The following RPUSD2 variants were observed in gnomAD, a reference collection of about 807,000 sequenced individuals.
The protein encoded by RPUSD2 is RNA pseudouridine synthase domain containing 2.
A neutral mutation model predicts 41.5 loss-of-function variants in RPUSD2; 31 were observed. The observed-to-expected ratio is 0.75, with a 90% CI of 0.56 to 1.01. RPUSD2 has a LOEUF of 1.01. Among genes scored for constraint, RPUSD2 ranks in the 50% least tolerant of loss-of-function variants. The probability of loss-of-function intolerance (pLI) is 0.00; values close to 1 mark genes in which losing one functional copy is unlikely to be tolerated. For missense variants in RPUSD2, 749 were observed against 724.7 expected (o/e 1.03, Z -0.38); for synonymous variants, 305 against 289.7 (o/e 1.05, Z -0.54).
In RPUSD2 at chr15:40,574,045, G is replaced by A. The variant is rs754887770; in HGVS notation, c.1422G>A (p.Glu474=). 129 of 1,614,038 alleles carry A rather than the reference G, an allele frequency of 8.0e-5. No individual in the cohort carries two copies. Among genetic ancestry groups the A allele is most frequent in the Non-Finnish European group, 1.1e-4 (127 of 1,180,026 alleles). The part of the protein sequence containing the change: ...MEEVAEAAPQ[E]LDTIALASEK... ...AAGTAGCTGAGGCAGCCCCTCAGGA[G>A]TTGGACACAATAGCCTTGGCATCAG... The change falls in exon 3 of 3, where the codon GAG becomes GAA. Residue 474 remains glutamate (E), a synonymous_variant. Coordinates refer to ENST00000315616, the MANE Select transcript of RPUSD2 (RefSeq NM_152260.3).
intron 2 of RPUSD2, among the ~76,000 whole-genome samples, chr15:40,573,110 C>T (rs1891177514): frequency 6.6e-6 from 1 of 150,932 alleles, no homozygotes; most frequent in African/African-American, 2.4e-5. Context: ...CTGCAACCTC[C>T]GCCTCCTGGG....
Position 40,569,806 on chromosome 15 carries a change from T to C in RPUSD2, c.469T>C (p.Trp157Arg), listed in dbSNP as rs1891097979. 1.2e-6 allele frequency: 2 copies of C among 1,613,336 alleles called. No homozygotes were observed. Among genetic ancestry groups the C allele is most frequent in the Admixed American group, 1.7e-5 (1 of 59,912 alleles). ...FDFRTYCKGR[W>R]VGHSLLHVFS... ...CTTCCGGACCTACTGCAAAGGTCGC[T>C]GGGTGGGCCACAGCTTGCTGCACGT... Residue 157 changes from tryptophan (W) to arginine (R), a missense_variant, in exon 1 of 3, where the codon TGG becomes CGG. Physicochemically the swap from Trp to Arg is moderately radical, Grantham distance 101. Transcript: ENST00000315616.
chr15:40,572,672 C>T (rs1891168887), intron 2 of RPUSD2, among the ~76,000 whole-genome samples: 1 of 152,090 alleles, frequency 6.6e-6, no homozygotes, highest in African/African-American at 2.4e-5. Context: ...GTTGAGGCTG[C>T]AGTGAGCCAT....
At position 40,573,972 on chromosome 15, in the gene RPUSD2, G is replaced by A; in HGVS notation, c.1349G>A (p.Gly450Asp). 6.2e-7 allele frequency: 1 copy of A among 1,614,128 alleles called. No homozygotes were observed. Among genetic ancestry groups the A allele is most frequent in the Non-Finnish European group, 8.5e-7 (1 of 1,180,018 alleles). ...TDSTAPSSEL[G>D]KDDLEELAAA... ...TCTACGGCCCCCTCCTCAGAGTTGG[G>A]CAAGGACGACCTGGAAGAGTTGGCT... is the stretch of plus-strand genomic sequence containing the variant. Residue 450 changes from glycine to aspartate, a missense_variant, in exon 3 of 3, where the codon GGC (glycine) becomes GAC (aspartate). Physicochemically the swap from Gly to Asp is moderately conservative, Grantham distance 94. Transcript: ENST00000315616.
rs142234414 is a variant in RPUSD2, at chr15:40,569,849, G to A, written c.512G>A (p.Arg171Gln). 9.7e-5 allele frequency: 157 copies of A among 1,611,744 alleles called. No individual in the cohort carries two copies. Among genetic ancestry groups the A allele is most frequent in the Non-Finnish European group, 1.3e-4 (149 of 1,179,322 alleles). The part of the protein sequence containing the change: ...SLLHVFSTEF[R>Q]AQPLAYYEAA... ...CTGCACGTCTTCAGTACCGAGTTCC[G>A]AGCTCAGCCCCTGGCCTACTATGAG... Residue 171 changes from arginine to glutamine, a missense_variant, in exon 1 of 3, where the codon CGA becomes CAA. By Grantham distance (43) the Arg-to-Gln change is conservative. Coordinates refer to ENST00000315616, the MANE Select transcript of RPUSD2 (RefSeq NM_152260.3).
chr15:40,571,718 A>C lies in RPUSD2; in HGVS notation c.721A>C (p.Ile241Leu). Residue 241 changes from isoleucine to leucine, a missense_variant, in exon 2 of 3, where the codon ATT becomes CTT. Ile to Leu is a conservative substitution (Grantham distance 5). Transcript: ENST00000315616. ...DVVVVDKPSS[I>L]PVHPCGRFRH... ...GGTGGTTGTAGACAAGCCTTCCTCCATTCCCGTTCACCCCTGTGGCCGCTT... is the reference window on the plus strand; with the variant it reads ...GGTGGTTGTAGACAAGCCTTCCTCCCTTCCCGTTCACCCCTGTGGCCGCTT... 6.2e-7 allele frequency: 1 copy of C among 1,614,208 alleles called. No homozygotes were observed. Among genetic ancestry groups the C allele is most frequent in the Non-Finnish European group, 8.5e-7 (1 of 1,180,038 alleles).
chr15:40,569,421 G>A lies in RPUSD2; in HGVS notation c.84G>A (p.Trp28Ter), dbSNP rs768050064. The change falls in exon 1 of 3, where the codon TGG (tryptophan) becomes TGA (stop). Residue 28 changes from tryptophan to a stop codon, truncating the protein, a stop_gained. Transcript: ENST00000315616. LOFTEE classifies it high-confidence loss of function. ...GGCGCCCTAGCTTTACCAGGACTTGGAGTGGCGATAAGGGCCCAATGGCAG... is the reference window on the plus strand; with the variant it reads ...GGCGCCCTAGCTTTACCAGGACTTGAAGTGGCGATAAGGGCCCAATGGCAG... ...DLRRPSFTRT[W>*]SGDKGPMAET... 6.4e-6 allele frequency: 10 copies of A among 1,554,658 alleles called. No individual in the cohort carries two copies. Among genetic ancestry groups the A allele is most frequent in the Admixed American group, 6.3e-5 (3 of 47,434 alleles).
At position 40,573,831 on chromosome 15, in the gene RPUSD2, A is replaced by C; in HGVS notation, c.1208A>C (p.Tyr403Ser). The C allele has an allele frequency of 6.2e-7, 1 of 1,614,194 alleles. No individual in the cohort carries two copies. The highest frequency in any genetic ancestry group is 8.5e-7 in the Non-Finnish European group (1 of 1,180,028). Residue 403 changes from tyrosine to serine, a missense_variant, in exon 3 of 3, where the codon TAC (tyrosine) becomes TCC (serine). Physicochemically the swap from Tyr to Ser is moderately radical, Grantham distance 144. Coordinates refer to ENST00000315616, the MANE Select transcript of RPUSD2 (RefSeq NM_152260.3). The part of the protein sequence containing the change: ...AWGPSRGRGG[Y>S]IPKTNEELLR... Reference sequence around the variant, plus strand: ...GGTCCTTCTCGAGGCCGGGGCGGCTACATTCCCAAGACAAACGAGGAGTTG... The same window carrying C: ...GGTCCTTCTCGAGGCCGGGGCGGCTCCATTCCCAAGACAAACGAGGAGTTG...
At chr15:40,572,026 C>G (rs1891153618) in intron 2 of RPUSD2, 126 bp downstream of exon 2, 2 of 1,010,212 alleles carry the variant, frequency 2.0e-6, no homozygotes, top group Non-Finnish European at 2.9e-6. Context: ...ACCTTCCTAC[C>G]TTAAGGCAGG....
At chr15:40,571,972 G>C in intron 2 of RPUSD2, 72 bp downstream of exon 2, 1 of 1,494,778 alleles carries the variant, frequency 6.7e-7, no homozygotes, top group Non-Finnish European at 9.1e-7. Context: ...AGGGCATCAT[G>C]GAGTTCCGAA....
rs1436904442 is a variant in RPUSD2 at position 40,569,662 on chromosome 15, C to CGT, written c.328_329dup (p.Val111SerfsTer12). 9.7e-6 allele frequency: 15 copies of CGT among 1,545,742 alleles called. No individual in the cohort carries two copies. Among genetic ancestry groups the CGT allele is most frequent in the Non-Finnish European group, 1.1e-5 (13 of 1,143,258 alleles). Reference sequence around the variant, plus strand: ...GAAGCGGCGGGGCGCAACCAGGGAGCGTGTCGTGCCGCCCCCGAAGAAGCG... The same window carrying CGT: ...GAAGCGGCGGGGCGCAACCAGGGAGCGTGTGTCGTGCCGCCCCCGAAGAAGCG... On this transcript the variant is annotated frameshift_variant, in exon 1 of 3. Coordinates refer to ENST00000315616, the MANE Select transcript of RPUSD2 (RefSeq NM_152260.3). LOFTEE classifies it high-confidence loss of function.
chr15:40,571,621 G>GA lies in RPUSD2; in HGVS notation c.626dup (p.Asn209LysfsTer7). On this transcript the variant is annotated frameshift_variant, in exon 2 of 3. Coordinates refer to ENST00000315616, the MANE Select transcript of RPUSD2 (RefSeq NM_152260.3). LOFTEE classifies it high-confidence loss of function. ...TTTGACAGGACAATGATTTCTTGCGGAACACAGTGCACAGGCATGAGCCAC... is the reference window on the plus strand; with the variant it reads ...TTTGACAGGACAATGATTTCTTGCGGAAACACAGTGCACAGGCATGAGCCAC... The GA allele has an allele frequency of 6.2e-7, 1 of 1,614,130 alleles. No individual in the cohort carries two copies. Among genetic ancestry groups the GA allele is most frequent in the Non-Finnish European group, 8.5e-7 (1 of 1,179,970 alleles).
In RPUSD2 at chr15:40,569,592, C is replaced by A; in HGVS notation, c.255C>A (p.Gly85=). The change falls in exon 1 of 3, where the codon GGC becomes GGA. Residue 85 remains glycine (G), a synonymous_variant. Transcript: ENST00000315616. ...AGREVEPAPV[G]GEHPSAAAPG... is the part of the protein sequence containing the mutation. ...GGGAAGTGGAGCCGGCCCCAGTAGG[C>A]GGGGAGCATCCCTCGGCTGCAGCCC... is the stretch of plus-strand genomic sequence containing the variant. 1 of 1,534,972 alleles carries A rather than the reference C, an allele frequency of 6.5e-7. No individual in the cohort carries two copies. The highest frequency in any genetic ancestry group is 8.8e-7 in the Non-Finnish European group (1 of 1,140,848).
intron 1 of RPUSD2, among the ~76,000 whole-genome samples, chr15:40,571,025 C>T (rs1363649343): frequency 1.3e-5 from 2 of 151,104 alleles, no homozygotes; most frequent in East Asian, 3.9e-4. Context: ...CAGAGTCTTG[C>T]TCTGTTGCCC....
At chr15:40,570,055 T>G (rs917348158) in intron 1 of RPUSD2, 112 bp downstream of exon 1, 1 of 1,329,000 alleles carries the variant, frequency 7.5e-7, no homozygotes, top group African/African-American at 1.5e-5. Flanking sequence ...ATTAAAATCA[T>G]GGCAATTCTA....
chr15:40,571,780 G>A lies in RPUSD2; in HGVS notation c.783G>A (p.Glu261=), dbSNP rs1891145967. Residue 261 remains glutamate, a synonymous_variant, in exon 2 of 3, where the codon GAG becomes GAA. Transcript: ENST00000315616. ...HNTVIFILGK[E]HQLKELHPLH... Reference sequence around the variant, plus strand: ...CAGTTATCTTCATCCTAGGCAAGGAGCACCAACTCAAGGAGCTACACCCCT... The same window carrying A: ...CAGTTATCTTCATCCTAGGCAAGGAACACCAACTCAAGGAGCTACACCCCT... 1 of 1,614,252 alleles carries A rather than the reference G, an allele frequency of 6.2e-7. No individual in the cohort carries two copies. Among genetic ancestry groups the A allele is most frequent in the African/African-American group, 1.3e-5 (1 of 75,066 alleles).
At position 40,569,317 on chromosome 15, in the gene RPUSD2, T is replaced by G; in HGVS notation, c.-21T>G. ...CGTCCTCAGATCGCGACCCTGGGAG[T>G]GGAGTGGGGGCAGCGTGGTTATGTG... On this transcript the variant is annotated 5_prime_UTR_variant, in exon 1 of 3. Transcript: ENST00000315616. 4.3e-6 allele frequency: 6 copies of G among 1,411,328 alleles called. No homozygotes were observed. The highest frequency in any genetic ancestry group is 3.7e-6 in the Non-Finnish European group (4 of 1,077,336). 87.4% of individuals were successfully genotyped at this position (1,411,328 alleles called of 1,614,324 possible). A position where few individuals can be genotyped will look rare whatever the true frequency, so the allele number is the denominator to read the frequency against.
chr15:40,572,882 G>A (rs1891171771), intron 2 of RPUSD2, among the ~76,000 whole-genome samples: 1 of 152,142 alleles, frequency 6.6e-6, no homozygotes, highest in East Asian at 1.9e-4. Flanking sequence ...GTTGTCCTGA[G>A]ACTTGTAATT....
rs745672718 is a variant in RPUSD2 at position 40,571,755 on chromosome 15, C to G, written c.758C>G (p.Thr253Arg). ...CCCTGTGGCCGCTTCCGACACAACA[C>G]AGTTATCTTCATCCTAGGCAAGGAG... Reference protein sequence around the residue: ...VHPCGRFRHNTVIFILGKEHQ... With the variant: ...VHPCGRFRHNRVIFILGKEHQ... The change falls in exon 2 of 3, where the codon ACA becomes AGA. Residue 253 changes from threonine to arginine, a missense_variant. Coordinates refer to ENST00000315616, the MANE Select transcript of RPUSD2 (RefSeq NM_152260.3). 2 of 1,614,254 alleles carry G rather than the reference C, an allele frequency of 1.2e-6. No homozygotes were observed. The highest frequency in any genetic ancestry group is 3.3e-5 in the Admixed American group (2 of 60,034).
Sources: gnomAD v4.1 joint callset for allele counts (sites outside exome capture counted in the v4.1 genomes callset) on GRCh38, gnomAD v4.1.1 for gene constraint, MANE v1.5 for transcripts, NCBI Gene and HGNC (gene_info 2026-07-23, HGNC 2026-07-21) for gene names.